Variants in KRT78 observed in about 807,000 individuals in gnomAD.
KRT78 encodes keratin 78, also known as keratin, type II cytoskeletal 78.
In KRT78, 55 loss-of-function variants were observed where a neutral mutation model predicts 51.4. The observed-to-expected ratio is 1.07, with a 90% CI of 0.86 to 1.34. The LOEUF is 1.34. Ranked by LOEUF, KRT78 falls within the 40% of genes most tolerant of loss-of-function variation. The probability of loss-of-function intolerance (pLI) is 0.00; values close to 1 mark genes in which losing one functional copy is unlikely to be tolerated. For synonymous variants in KRT78, 291 were observed against 264.3 expected, an observed-to-expected ratio of 1.10 and a Z score of -0.98; for missense variants, 652 against 649.4, an observed-to-expected ratio of 1.00 and a Z score of -0.04.
At position 52,844,704 on chromosome 12, in the gene KRT78, G is replaced by A. The variant is rs1940600194; in HGVS notation, c.776C>T (p.Thr259Ile). The change falls in exon 5 of 9, where the codon ACC becomes ATC. Residue 259 changes from threonine (T) to isoleucine (I), a missense_variant. Coordinates refer to ENST00000304620, the MANE Select transcript of KRT78 (RefSeq NM_173352.4). ...CACCACAGACGTGTCGCTGGCCTGG[G>A]TCTGGAGCTGGCCCAGCTCCTGCAG... ...LNEEELGQLQ[T>I]QASDTSVVLS... 1 of 1,611,994 alleles carries A rather than the reference G, an allele frequency of 6.2e-7. No individual in the cohort carries two copies. Among genetic ancestry groups the A allele is most frequent in the Admixed American group, 1.7e-5 (1 of 59,872 alleles).
At chr12:52,841,023 G>A (rs74094253) in intron 6 of KRT78, among the ~76,000 whole-genome samples, 120 of 152,090 alleles carry the variant, frequency 7.9e-4, no homozygotes, top group African/African-American at 2.8e-3. Flanking sequence ...CCAGCCCTCG[G>A]CACCTCTCCC....
chr12:52,847,728 G>A (rs372005980), intron 2 of KRT78, among the ~76,000 whole-genome samples, 179 bp downstream of exon 2: 6 of 152,154 alleles, frequency 3.9e-5, no homozygotes, highest in Admixed American at 6.5e-5. Context: ...GGGACACCTC[G>A]TTTACCTGTA....
At chr12:52,841,737 T>C (rs1244654918) in intron 6 of KRT78, among the ~76,000 whole-genome samples, 1 of 152,132 alleles carries the variant, frequency 6.6e-6, no homozygotes, top group East Asian at 1.9e-4. Context: ...CACGTGGGCC[T>C]GCACAGGGGA....
In KRT78 at chr12:52,839,867, G is replaced by T. The variant is rs1353595997; in HGVS notation, c.1165C>A (p.Leu389Met). The T allele has an allele frequency of 1.2e-6, 2 of 1,613,914 alleles. No homozygotes were observed. Among genetic ancestry groups the T allele is most frequent in the Non-Finnish European group, 1.7e-6 (2 of 1,180,006 alleles). ...EAALRMAKQN[L>M]ARLLCEYQEL... ...TGGTACTCGCACAGCAGCCGGGCCA[G>T]GTTCTGCTTGGCCATCCTCAGAGCA... The change falls in exon 7 of 9, where the codon CTG becomes ATG. Residue 389 changes from leucine to methionine, a missense_variant. Coordinates refer to ENST00000304620, the MANE Select transcript of KRT78 (RefSeq NM_173352.4).
intron 6 of KRT78, among the ~76,000 whole-genome samples, chr12:52,840,661 C>T (rs1247755270): frequency 2.0e-5 from 3 of 152,036 alleles, no homozygotes; most frequent in African/African-American, 7.3e-5. Context: ...GAGCCAAGAT[C>T]ATGCCACTGC....
At chr12:52,846,530 T>A (rs1940646551) in intron 3 of KRT78, among the ~76,000 whole-genome samples, 1 of 152,038 alleles carries the variant, frequency 6.6e-6, no homozygotes, top group Non-Finnish European at 1.5e-5. Context: ...TTCCTCTCCC[T>A]CCCCGCCCTC....
rs1203292825 is a variant in KRT78 at position 52,841,347 on chromosome 12, C to T, written c.1048-1363G>A. Among the ~76,000 whole-genome samples the T allele has an allele frequency of 6.6e-5, 10 of 151,718 alleles. No individual in the cohort carries two copies. In the South Asian group the frequency reaches 2.1e-3, roughly 32 times the overall value. On this transcript the variant is annotated intron_variant, in intron 6 of 8. Transcript: ENST00000304620. ...AAATAAAAAAAAAAAATTAGCCGGGCATGGTGGCACACACCTGTAGTCCCA... is the reference window on the plus strand; with the variant it reads ...AAATAAAAAAAAAAAATTAGCCGGGTATGGTGGCACACACCTGTAGTCCCA...
chr12:52,840,070 G>T, intron 6 of KRT78, 86 bp from the exon 7 acceptor site: 1 of 931,864 alleles, frequency 1.1e-6, no homozygotes, highest in South Asian at 1.6e-5. Context: ...TCACTTGAAG[G>T]CTGGGGCGGA....
In KRT78 at chr12:52,838,565, G is replaced by A. The variant is rs115192946; in HGVS notation, c.*548C>T. 166 of 160,470 alleles carry A rather than the reference G, an allele frequency of 1.0e-3. 1 individual carries two copies. Among genetic ancestry groups the A allele is most frequent in the African/African-American group, 3.7e-3 (155 of 41,618 alleles). 9.9% of individuals were successfully genotyped at this position (160,470 alleles called of 1,614,324 possible). On this transcript the variant is annotated 3_prime_UTR_variant, in exon 9 of 9. Coordinates refer to ENST00000304620, the MANE Select transcript of KRT78 (RefSeq NM_173352.4). ...GGACAGCAACAGGTGCAGCCAGACTGCCAGGGACAGGAAGGGCCCAGTAGT... is the reference window on the plus strand; with the variant it reads ...GGACAGCAACAGGTGCAGCCAGACTACCAGGGACAGGAAGGGCCCAGTAGT...
In KRT78 at chr12:52,848,073, G is replaced by C; in HGVS notation, c.433C>G (p.Leu145Val). 6.2e-7 allele frequency: 1 copy of C among 1,614,184 alleles called. No homozygotes were observed. Among genetic ancestry groups the C allele is most frequent in the Non-Finnish European group, 8.5e-7 (1 of 1,180,042 alleles). ...QNKVLETKWHLLQQQGLSGSQ... is the reference protein window; with the variant it reads ...QNKVLETKWHVLQQQGLSGSQ... ...CCACTCAACCCCTGTTGCTGCAGCA[G>C]ATGCCACTTCGTCTCCAGGACCTTG... Residue 145 changes from leucine to valine, a missense_variant, in exon 2 of 9, where the codon CTG becomes GTG. Coordinates refer to ENST00000304620, the MANE Select transcript of KRT78 (RefSeq NM_173352.4).
At position 52,839,868 on chromosome 12, in the gene KRT78, G is replaced by A. The variant is rs769453830; in HGVS notation, c.1164C>T (p.Asn388=). The stretch of plus-strand genomic sequence containing the variant: ...GGTACTCGCACAGCAGCCGGGCCAG[G>A]TTCTGCTTGGCCATCCTCAGAGCAG... ...LEAALRMAKQ[N]LARLLCEYQE... Residue 388 remains asparagine, a synonymous_variant, in exon 7 of 9, where the codon AAC becomes AAT. Coordinates refer to ENST00000304620, the MANE Select transcript of KRT78 (RefSeq NM_173352.4). The A allele has an allele frequency of 2.6e-5, 42 of 1,613,936 alleles. 1 individual carries two copies. In the South Asian group the frequency reaches 4.5e-4, roughly 17 times the overall value.
chr12:52,846,105 T>A (rs556807663), intron 4 of KRT78, 92 bp downstream of exon 4: 1 of 810,318 alleles, frequency 1.2e-6, no homozygotes, highest in South Asian at 1.5e-5. Context: ...CCTAACAGAC[T>A]TCCCCTCTTG....
intron 4 of KRT78, 86 bp downstream of exon 4, chr12:52,846,110 CT>C (rs1424346838): frequency 2.3e-6 from 2 of 857,408 alleles, no homozygotes; most frequent in Admixed American, 3.9e-5. Context: ...CAGACTTCCC[CT>C]CTTGGCCATT....
intron 5 of KRT78, 38 bp from the exon 6 acceptor site, chr12:52,844,256 G>T: frequency 1.9e-6 from 3 of 1,554,384 alleles, no homozygotes; most frequent in Non-Finnish European, 2.6e-6. Flanking sequence ...TAGTTGAGAG[G>T]ACTGCCACCT....
intron 4 of KRT78, 67 bp from the exon 5 acceptor site, chr12:52,844,790 T>C: frequency 6.9e-7 from 1 of 1,458,992 alleles, no homozygotes; most frequent in South Asian, 1.3e-5. Flanking sequence ...CCTAGGATGG[T>C]TGAGCAGGAT....
At chr12:52,845,504 AC>A (rs1174348942) in intron 4 of KRT78, among the ~76,000 whole-genome samples, 2 of 152,006 alleles carry the variant, frequency 1.3e-5, no homozygotes, top group Non-Finnish European at 2.9e-5. Context: ...AATAAGGCCT[AC>A]CCTGGCCACA....
chr12:52,846,819 T>C lies in KRT78; in HGVS notation c.605A>G (p.Glu202Gly), dbSNP rs749944480. 1.9e-6 allele frequency: 3 copies of C among 1,613,448 alleles called. No homozygotes were observed. In the South Asian group the frequency reaches 3.3e-5, roughly 18 times the overall value. ...TGTGGCACGCCTGTGGGCCTCCTCCTCATACCTGCCAAATAAGTAGAGAAG... is the reference window on the plus strand; with the variant it reads ...TGTGGCACGCCTGTGGGCCTCCTCCCCATACCTGCCAAATAAGTAGAGAAG... ...DQEEEYKSKY[E>G]EEAHRRATLE... The change falls in exon 3 of 9, where the codon GAG becomes GGG. Residue 202 changes from glutamate to glycine, a missense_variant. Glu to Gly is a moderately conservative substitution (Grantham distance 98). Transcript: ENST00000304620.
At chr12:52,842,979 A>C (rs1940541854) in intron 6 of KRT78, among the ~76,000 whole-genome samples, 1 of 76,660 alleles carries the variant, frequency 1.3e-5, no homozygotes, top group Non-Finnish European at 2.5e-5. Context: ...GGAAGGAAGG[A>C]AGGAAGGAAG....
At chr12:52,844,331 C>G in intron 5 of KRT78, 113 bp from the exon 6 acceptor site, 1 of 1,322,924 alleles carries the variant, frequency 7.6e-7, no homozygotes, top group Non-Finnish European at 1.0e-6. Context: ...GGTTAAACGC[C>G]TGAGCCAGGA....
Sources: gnomAD v4.1 joint callset for allele counts (sites outside exome capture counted in the v4.1 genomes callset) on GRCh38, gnomAD v4.1.1 for gene constraint, MANE v1.5 for transcripts, NCBI Gene and HGNC (gene_info 2026-07-23, HGNC 2026-07-21) for gene names.